Variants in CAMTA1 observed in about 807,000 individuals in gnomAD.
CAMTA1 encodes calmodulin binding transcription activator 1.
A neutral mutation model predicts 170.9 loss-of-function variants in CAMTA1; 27 were observed. That is an observed-to-expected ratio of 0.16 (90% CI 0.12 to 0.22). The LOEUF (loss-of-function observed/expected upper bound fraction) is 0.22. CAMTA1 is among the 10% of genes least tolerant of loss of function. CAMTA1 has a pLI of 1.00. For synonymous variants in CAMTA1, 833 were observed against 891.5 expected (o/e 0.93, Z 1.17); for missense variants, 1,619 against 2,217.2 (o/e 0.73, Z 5.42).
chr1:7,671,847 G>A (rs532141531), intron 10 of CAMTA1, among the ~76,000 whole-genome samples: 1 of 152,234 alleles, frequency 6.6e-6, no homozygotes, highest in East Asian at 1.9e-4. Context: ...TTCCCCACTC[G>A]CCTGTCCCAT....
chr1:6,990,424 A>G (rs544889240), intron 3 of CAMTA1, among the ~76,000 whole-genome samples: 2 of 152,328 alleles, frequency 1.3e-5, no homozygotes, highest in African/African-American at 2.4e-5. Flanking sequence ...CAATTCATCA[A>G]TCCATCTTGG....
intron 3 of CAMTA1, among the ~76,000 whole-genome samples, chr1:7,013,789 A>G (rs1352931935): frequency 6.6e-6 from 1 of 152,140 alleles, no homozygotes; most frequent in East Asian, 1.9e-4. Flanking sequence ...GCAATTCTCA[A>G]CTTCTGGGAG....
At chr1:7,521,328 G>A (rs979048184) in intron 6 of CAMTA1, among the ~76,000 whole-genome samples, 3 of 152,128 alleles carry the variant, frequency 2.0e-5, no homozygotes, top group Non-Finnish European at 2.9e-5. Flanking sequence ...AAATAACACA[G>A]AGAGCTCCCA....
chr1:6,870,214 G>A (rs1344171241), intron 3 of CAMTA1, among the ~76,000 whole-genome samples: 2 of 152,008 alleles, frequency 1.3e-5, no homozygotes, highest in African/African-American at 2.4e-5. Flanking sequence ...GTTTTCATGG[G>A]GTGTTGATTC....
In CAMTA1 at chr1:7,092,793, T is replaced by C. The variant is rs1224800607; in HGVS notation, c.302+1422T>C. Among the ~76,000 whole-genome samples the C allele has an allele frequency of 6.6e-6, 1 of 152,196 alleles. No individual in the cohort carries two copies. On this transcript the variant is annotated intron_variant, in intron 4 of 22. Coordinates refer to ENST00000303635, the MANE Select transcript of CAMTA1 (RefSeq NM_015215.4). This position sits in a 1 kb window ranked among gnomAD's most constrained non-coding sequence, Gnocchi z 5.0. Reference sequence around the variant, plus strand: ...GAGGTCAGGTCTGCTGTGTGCATCATTTTGCTGTGGGACCTAGGCTGAGGA... The same window carrying C: ...GAGGTCAGGTCTGCTGTGTGCATCACTTTGCTGTGGGACCTAGGCTGAGGA...
chr1:7,712,665 C>A lies in CAMTA1; in HGVS notation c.2915-19783C>A, dbSNP rs574134738. ...ATGGAACAAAGAGAGTGAAAGAAAT[C>A]TTTCTGAGGTGGCTCAGATAATTAA... On this transcript the variant is annotated intron_variant, in intron 11 of 22. Transcript: ENST00000303635. 3.3e-5 allele frequency among the ~76,000 whole-genome samples: 5 copies of A among 152,274 alleles called. No individual in the cohort carries two copies. The East Asian group carries it at 9.6e-4, about 29-fold the overall frequency.
chr1:7,247,598 C>CT (rs1666016763), intron 4 of CAMTA1, among the ~76,000 whole-genome samples: 1 of 152,130 alleles, frequency 6.6e-6, no homozygotes, highest in Non-Finnish European at 1.5e-5. Flanking sequence ...TGTCTTCATT[C>CT]TTTTTTTGGA....
chr1:7,086,573 C>T (rs1640775996), intron 3 of CAMTA1, among the ~76,000 whole-genome samples: 1 of 152,136 alleles, frequency 6.6e-6, no homozygotes, highest in African/African-American at 2.4e-5. Context: ...TCCCCATCAC[C>T]CTCTTCCCCC....
intron 3 of CAMTA1, among the ~76,000 whole-genome samples, chr1:6,991,136 A>G (rs990619177): frequency 1.3e-5 from 2 of 152,012 alleles, no homozygotes; most frequent in Non-Finnish European, 2.9e-5. Context: ...TTGTTTATCC[A>G]TTCATTCATG....
chr1:7,220,698 G>A (rs899165422), intron 4 of CAMTA1, among the ~76,000 whole-genome samples: 2 of 152,330 alleles, frequency 1.3e-5, no homozygotes, highest in African/African-American at 4.8e-5. Context: ...CAACATCTGA[G>A]CTGCATTTTC....
intron 4 of CAMTA1, among the ~76,000 whole-genome samples, chr1:7,120,819 G>A (rs554989972): frequency 6.6e-6 from 1 of 152,308 alleles, no homozygotes; most frequent in African/African-American, 2.4e-5. Context: ...CCTGCTTTGA[G>A]GTGATACAGT....
intron 3 of CAMTA1, chr1:7,008,790 T>C (rs934385865): frequency 2.0e-5 from 3 of 152,266 alleles, no homozygotes; most frequent in Non-Finnish European, 4.4e-5. Context: ...ATGAATGAAC[T>C]TTCTGCTTAC....
At chr1:7,153,420 T>A (rs955193138) in intron 4 of CAMTA1, among the ~76,000 whole-genome samples, 2 of 152,070 alleles carry the variant, frequency 1.3e-5, no homozygotes, top group East Asian at 3.9e-4. Context: ...CAAGCGTTAT[T>A]TGAGGGGGAA....
intron 4 of CAMTA1, among the ~76,000 whole-genome samples, chr1:7,106,432 C>T (rs1013134605): frequency 2.6e-5 from 4 of 151,988 alleles, no homozygotes; most frequent in South Asian, 2.1e-4. Context: ...TTCTCCTGTC[C>T]GGCCACTTCC....
intron 6 of CAMTA1, among the ~76,000 whole-genome samples, chr1:7,550,928 C>T (rs768560310): frequency 6.6e-6 from 1 of 152,156 alleles, no homozygotes; most frequent in African/African-American, 2.4e-5. Context: ...CTCTCTGCCC[C>T]CTCCCCACGA....
chr1:7,020,246 C>T (rs1342091307), intron 3 of CAMTA1, among the ~76,000 whole-genome samples: 1 of 152,218 alleles, frequency 6.6e-6, no homozygotes, highest in Non-Finnish European at 1.5e-5. Flanking sequence ...GCATATACCA[C>T]AGTGGTCCCA....
intron 5 of CAMTA1, among the ~76,000 whole-genome samples, chr1:7,424,949 C>G (rs2091793640): frequency 6.6e-6 from 1 of 152,030 alleles, no homozygotes; most frequent in African/African-American, 2.4e-5. Context: ...AGGGAGTGTC[C>G]CTGCATAGGG....
intron 3 of CAMTA1, among the ~76,000 whole-genome samples, chr1:6,870,160 T>C (rs1667977928): frequency 6.6e-6 from 1 of 152,214 alleles, no homozygotes; most frequent in African/African-American, 2.4e-5. Flanking sequence ...ACAAACATGC[T>C]GAAATGGTCT....
intron 3 of CAMTA1, among the ~76,000 whole-genome samples, chr1:7,060,884 C>T (rs371272126): frequency 2.5e-4 from 38 of 152,350 alleles, no homozygotes; most frequent in African/African-American, 8.9e-4. Context: ...GTCGGTTTTT[C>T]TGACATAACG....
Sources: allele counts gnomAD v4.1 joint callset (sites outside exome capture counted in the v4.1 genomes callset), GRCh38; gene constraint gnomAD v4.1.1; non-coding constraint Gnocchi (gnomAD v3.1); transcripts MANE v1.5; gene names NCBI Gene and HGNC (gene_info 2026-07-23, HGNC 2026-07-21).